The following PIK3C2G variants were observed in gnomAD, a reference collection of about 807,000 sequenced individuals.
PIK3C2G encodes the protein phosphatidylinositol-4-phosphate 3-kinase catalytic subunit type 2 gamma, also known as phosphatidylinositol 3-kinase C2 domain-containing subunit gamma.
A neutral mutation model predicts 181.1 loss-of-function variants in PIK3C2G; 168 were observed. The ratio of observed to expected loss-of-function variants is 0.93; its 90% CI spans 0.82 to 1.05. PIK3C2G has a LOEUF of 1.05. Ranked by LOEUF, PIK3C2G falls within the 50% of genes least tolerant of loss-of-function variation. The probability of loss-of-function intolerance (pLI) is 0.00; values close to 1 mark genes in which losing one functional copy is unlikely to be tolerated. For synonymous variants in PIK3C2G, 573 were observed against 592.2 expected, an observed-to-expected ratio of 0.97 and a Z score of 0.47; for missense variants, 1,869 against 1,732.8, an observed-to-expected ratio of 1.08 and a Z score of -1.40.
At chr12:18,497,925 T>C (rs1410098045) in intron 22 of PIK3C2G, among the ~76,000 whole-genome samples, 177 bp downstream of exon 22, 1 of 152,210 alleles carries the variant, frequency 6.6e-6, no homozygotes, top group African/African-American at 2.4e-5. Flanking sequence ...GCCAACAGAA[T>C]TTATATAAAG....
rs117668338 is a variant in PIK3C2G, at chr12:18,531,628, A to T, written c.3324-6528A>T. 3.3e-5 allele frequency among the ~76,000 whole-genome samples: 5 copies of T among 152,354 alleles called. No homozygotes were observed. In the East Asian group the frequency reaches 9.6e-4, roughly 29 times the overall value. On this transcript the variant is annotated intron_variant, in intron 24 of 32. Transcript: ENST00000538779. The stretch of plus-strand genomic sequence containing the variant: ...TCAAGTATGTTATATAAATAGAACC[A>T]TGCAGTATGCAATTTTTATTGATTG...
At position 18,488,495 on chromosome 12, in the gene PIK3C2G, CAGA is replaced by C; in HGVS notation, c.2554_2556del (p.Lys852del). On this transcript the variant is annotated inframe_deletion, in exon 19 of 33. Transcript: ENST00000538779. Reference sequence around the variant, plus strand: ...TGAAGCTTATTTTAAAAGCTGGTATCAGAAGCTACTAGCTGCTCTCCAATTCTG... The same window carrying C: ...TGAAGCTTATTTTAAAAGCTGGTATCAGCTACTAGCTGCTCTCCAATTCTG... 6.4e-7 allele frequency: 1 copy of C among 1,553,242 alleles called. No individual in the cohort carries two copies. The highest frequency in any genetic ancestry group is 1.2e-5 in the South Asian group (1 of 81,486).
chr12:18,482,497 A>G (rs1939659938), intron 18 of PIK3C2G, among the ~76,000 whole-genome samples: 1 of 152,054 alleles, frequency 6.6e-6, no homozygotes, highest in Non-Finnish European at 1.5e-5. Context: ...CTCTACCTAT[A>G]AAAAGAGTGG....
upstream of PIK3C2G, among the ~76,000 whole-genome samples, chr12:18,259,808 C>T (rs999858857): frequency 6.6e-6 from 1 of 151,974 alleles, no homozygotes; most frequent in African/African-American, 2.4e-5. Context: ...ATCATTCTGT[C>T]TTAAATACTT....
chr12:18,585,836 A>T (rs756797558), intron 29 of PIK3C2G, among the ~76,000 whole-genome samples: 2 of 152,224 alleles, frequency 1.3e-5, no homozygotes, highest in Non-Finnish European at 2.9e-5. Flanking sequence ...AACCAGAATG[A>T]TACCAAACAC....
intron 24 of PIK3C2G, among the ~76,000 whole-genome samples, chr12:18,533,828 T>A (rs1449868719): frequency 6.6e-6 from 1 of 152,034 alleles, no homozygotes; most frequent in Non-Finnish European, 1.5e-5. Context: ...AAATGCTTAA[T>A]GATAATGATC....
At chr12:18,372,710 A>G (rs892389499) in intron 13 of PIK3C2G, 2 of 152,232 alleles carry the variant, frequency 1.3e-5, no homozygotes, top group Non-Finnish European at 2.9e-5. Flanking sequence ...ACTTGCACAT[A>G]TCAATAAACA....
At chr12:18,467,643 A>G (rs1198804884) in intron 18 of PIK3C2G, among the ~76,000 whole-genome samples, 1 of 151,946 alleles carries the variant, frequency 6.6e-6, no homozygotes, top group Non-Finnish European at 1.5e-5. Flanking sequence ...TATGCTCCTC[A>G]TGTTAGGTAG....
chr12:18,315,119 G>T (rs964493683), intron 6 of PIK3C2G, among the ~76,000 whole-genome samples: 1 of 152,148 alleles, frequency 6.6e-6, no homozygotes, highest in African/African-American at 2.4e-5. Flanking sequence ...TTAAGTAACA[G>T]ATTTCCAGTG....
chr12:18,243,382 C>T (rs886314808), upstream of PIK3C2G, among the ~76,000 whole-genome samples: 7 of 151,782 alleles, frequency 4.6e-5, no homozygotes, highest in Non-Finnish European at 8.8e-5. Context: ...TGTTGGTGAT[C>T]TTGGTTGAAA....
At chr12:18,702,925 A>T in the PIK3C2G span, among the ~76,000 whole-genome samples, 1 of 149,222 alleles carries the variant, frequency 6.7e-6, no homozygotes, top group East Asian at 2.0e-4. Context: ...GGTTCAAGAG[A>T]TTCTCCTGCC....
intron 12 of PIK3C2G, among the ~76,000 whole-genome samples, chr12:18,370,962 C>T (rs1471038381): frequency 1.3e-5 from 2 of 152,118 alleles, no homozygotes; most frequent in East Asian, 3.8e-4. Context: ...TACATGTCAA[C>T]ATTATCAGGA....
chr12:18,691,425 G>A, the PIK3C2G span, among the ~76,000 whole-genome samples: 1 of 152,130 alleles, frequency 6.6e-6, no homozygotes, highest in Non-Finnish European at 1.5e-5. Flanking sequence ...ATTGTTGGTG[G>A]TGAAACTATG....
intron 9 of PIK3C2G, 131 bp downstream of exon 9, chr12:18,338,679 G>C (rs1938805009): frequency 1.7e-6 from 1 of 582,696 alleles, no homozygotes; most frequent in Non-Finnish European, 3.1e-6. Flanking sequence ...GTGTGTGTGT[G>C]TGTGTGTGTG....
At chr12:18,380,641 C>G (rs1942775980) in intron 13 of PIK3C2G, among the ~76,000 whole-genome samples, 1 of 152,084 alleles carries the variant, frequency 6.6e-6, no homozygotes, top group Admixed American at 6.5e-5. Flanking sequence ...AACAAAGAAA[C>G]AAAGAAGACC....
upstream of PIK3C2G, among the ~76,000 whole-genome samples, chr12:18,256,836 T>G (rs1276005028): frequency 6.6e-6 from 1 of 152,110 alleles, no homozygotes; most frequent in African/African-American, 2.4e-5. Flanking sequence ...TAGAGTACAC[T>G]TCTAGTAACC....
intron 20 of PIK3C2G, among the ~76,000 whole-genome samples, chr12:18,495,291 G>A (rs1940913949): frequency 1.3e-5 from 2 of 152,032 alleles, no homozygotes; most frequent in African/African-American, 4.8e-5. Context: ...ATGCTTAATT[G>A]TAAGAAAATA....
At chr12:18,253,887 A>G (rs1164484137) in intron 1 of PIK3C2G, among the ~76,000 whole-genome samples, 1 of 150,736 alleles carries the variant, frequency 6.6e-6, no homozygotes, top group Non-Finnish European at 1.5e-5. Context: ...GCAATTAGCC[A>G]AACCTTATCT....
the PIK3C2G span, among the ~76,000 whole-genome samples, chr12:18,660,538 A>AT: frequency 6.6e-6 from 1 of 152,242 alleles, no homozygotes; most frequent in African/African-American, 2.4e-5. Context: ...AACCACATAT[A>AT]TAGAGGAAAT....
Sources: gnomAD v4.1 joint callset for allele counts (sites outside exome capture counted in the v4.1 genomes callset) on GRCh38, gnomAD v4.1.1 for gene constraint, MANE v1.5 for transcripts, NCBI Gene and HGNC (gene_info 2026-07-23, HGNC 2026-07-21) for gene names.